PDE4D: variants seen among roughly 807,000 people sequenced by gnomAD.
PDE4D encodes the protein phosphodiesterase 4D.
A neutral mutation model predicts 87.4 loss-of-function variants in PDE4D; 24 were observed. The observed-to-expected ratio is 0.27, with a 90% CI of 0.20 to 0.39. PDE4D has a LOEUF of 0.39. Ranked by LOEUF, PDE4D falls within the 10% of genes least tolerant of loss-of-function variation. The probability of loss-of-function intolerance (pLI) is 1.00; values close to 1 mark genes in which losing one functional copy is unlikely to be tolerated. For missense variants in PDE4D, 714 were observed against 1,041.0 expected, an observed-to-expected ratio of 0.69 and a Z score of 4.32; for synonymous variants, 384 against 383.2, an observed-to-expected ratio of 1.00 and a Z score of -0.02.
At chr5:59,763,342 TA>T (rs889553149) in intron 1 of PDE4D, among the ~76,000 whole-genome samples, 34 of 150,190 alleles carry the variant, frequency 2.3e-4, no homozygotes, top group South Asian at 6.3e-4. Flanking sequence ...AAATAAAAAA[TA>T]AAAAAAAATC....
chr5:60,033,069 C>A (rs1425110423), intron 2 of PDE4D: 1 of 152,144 alleles, frequency 6.6e-6, no homozygotes, highest in African/African-American at 2.4e-5. Flanking sequence ...ATGTCCAGGT[C>A]TATCTATACA....
At chr5:59,234,512 T>C (rs1755936716) in intron 1 of PDE4D, among the ~76,000 whole-genome samples, 1 of 152,170 alleles carries the variant, frequency 6.6e-6, no homozygotes, top group South Asian at 2.1e-4. Flanking sequence ...AGATTTAGTG[T>C]TTCCTAGTAG....
At chr5:60,301,850 A>T (rs138208604) in intron 1 of PDE4D, among the ~76,000 whole-genome samples, 3,189 of 152,266 alleles carry the variant, frequency 0.021, 50 homozygotes, top group South Asian at 0.04. Flanking sequence ...ATGTTCATTC[A>T]ATATCTAGTT....
chr5:59,078,413 A>G (rs1479540077), intron 5 of PDE4D, among the ~76,000 whole-genome samples: 3 of 152,274 alleles, frequency 2.0e-5, no homozygotes, highest in Admixed American at 2.0e-4. Context: ...TCAGTTAAAA[A>G]TTCTGAAAAG....
At chr5:60,487,576 G>C (rs1749253182) in intron 1 of PDE4D, 1 of 152,114 alleles carries the variant, frequency 6.6e-6, no homozygotes, top group Admixed American at 6.6e-5. Context: ...TGAGATGCTT[G>C]GGGGTGGGAA....
chr5:59,573,098 T>C (rs998401277), intron 1 of PDE4D, among the ~76,000 whole-genome samples: 1 of 152,172 alleles, frequency 6.6e-6, no homozygotes, highest in Admixed American at 6.5e-5. Context: ...GGAAGCTTAG[T>C]GAGAACTTTA....
intron 1 of PDE4D, among the ~76,000 whole-genome samples, chr5:59,863,490 G>A (rs752495613): frequency 5.3e-5 from 8 of 151,976 alleles, no homozygotes; most frequent in Non-Finnish European, 8.8e-5. Flanking sequence ...AGAAAATTTC[G>A]AATGAAGCAC....
intron 6 of PDE4D, among the ~76,000 whole-genome samples, chr5:59,027,661 G>A (rs1260725952): frequency 1.3e-5 from 2 of 152,022 alleles, no homozygotes; most frequent in African/African-American, 2.4e-5. Flanking sequence ...GTTTGCTCTT[G>A]CAACTCTTCA....
intron 1 of PDE4D, among the ~76,000 whole-genome samples, chr5:59,770,288 G>T (rs1451861379): frequency 6.6e-6 from 1 of 152,168 alleles, no homozygotes; most frequent in Non-Finnish European, 1.5e-5. Flanking sequence ...AACGGCCTTA[G>T]AAGTTGTGCA....
chr5:59,076,964 A>T (rs576772958), intron 5 of PDE4D, among the ~76,000 whole-genome samples: 1 of 152,328 alleles, frequency 6.6e-6, no homozygotes, highest in East Asian at 1.9e-4. Context: ...GATATCTAAA[A>T]ATATATGGAT....
intron 1 of PDE4D, among the ~76,000 whole-genome samples, chr5:60,211,805 G>A (rs1013901851): frequency 6.6e-6 from 1 of 151,884 alleles, no homozygotes; most frequent in Non-Finnish European, 1.5e-5. Flanking sequence ...TAGCTATTTG[G>A]GTGGTAGCAA....
chr5:59,477,695 CTGGGTATA>C (rs1389593585), intron 1 of PDE4D, among the ~76,000 whole-genome samples: 1 of 152,062 alleles, frequency 6.6e-6, no homozygotes, highest in Non-Finnish European at 1.5e-5. Flanking sequence ...AATCCCATTA[CTGGGTATA>C]TGCCCAAAGA....
At chr5:59,523,336 A>G (rs1812554013) in intron 1 of PDE4D, among the ~76,000 whole-genome samples, 1 of 152,238 alleles carries the variant, frequency 6.6e-6, no homozygotes, top group South Asian at 2.1e-4. Context: ...ATCAGCTTTG[A>G]ACCATGAAAA....
At chr5:59,646,522 A>T (rs1742472279) in intron 1 of PDE4D, among the ~76,000 whole-genome samples, 1 of 152,204 alleles carries the variant, frequency 6.6e-6, no homozygotes, top group Admixed American at 6.5e-5. Context: ...TATATTCCTT[A>T]TACAACATTT....
At chr5:59,338,466 T>C (rs1425218350) in intron 1 of PDE4D, among the ~76,000 whole-genome samples, 3 of 152,202 alleles carry the variant, frequency 2.0e-5, no homozygotes, top group Non-Finnish European at 4.4e-5. Context: ...TCTTGTTTAG[T>C]GTATCTTAGG....
intron 1 of PDE4D, among the ~76,000 whole-genome samples, chr5:60,470,782 CA>C (rs981410641): frequency 3.2e-4 from 47 of 146,478 alleles, no homozygotes; most frequent in East Asian, 7.9e-4. Context: ...TCTACTGCTC[CA>C]AAAAAAAAAG....
chr5:60,099,094 G>C (rs761598357), intron 2 of PDE4D, among the ~76,000 whole-genome samples: 1 of 151,808 alleles, frequency 6.6e-6, no homozygotes, highest in Non-Finnish European at 1.5e-5. Context: ...TGGCAGTTTT[G>C]TTTTTCTTTT....
rs575611627 is a variant in PDE4D at position 58,974,698 on chromosome 5, G to T, written c.2396C>A (p.Ala799Asp). Residue 799 changes from alanine to aspartate, a missense_variant, in exon 15 of 15, where the codon GCC (alanine) becomes GAC (aspartate). Transcript: ENST00000340635. The part of the protein sequence containing the change: ...VGEEEESQPE[A>D]CVIDDRSPDT ...AGGAGAACGATCATCTATGACACAGGCTTCAGGCTGGCTTTCCTCTTCTTC... is the reference window on the plus strand; with the variant it reads ...AGGAGAACGATCATCTATGACACAGTCTTCAGGCTGGCTTTCCTCTTCTTC... 1 of 1,607,146 alleles carries T rather than the reference G, an allele frequency of 6.2e-7. No homozygotes were observed. The highest frequency in any genetic ancestry group is 1.7e-5 in the Admixed American group (1 of 59,426).
chr5:59,566,508 G>A (rs1220839297), intron 1 of PDE4D, among the ~76,000 whole-genome samples: 6 of 149,968 alleles, frequency 4.0e-5, no homozygotes, highest in South Asian at 2.1e-4. Flanking sequence ...TCTTTCTCCC[G>A]TAGCATCTGA....
Sources: gnomAD v4.1 joint callset for allele counts (sites outside exome capture counted in the v4.1 genomes callset) on GRCh38, gnomAD v4.1.1 for gene constraint, MANE v1.5 for transcripts, NCBI Gene and HGNC (gene_info 2026-07-23, HGNC 2026-07-21) for gene names.